Variants in CLOCK observed in about 807,000 individuals in gnomAD.
CLOCK encodes clock circadian regulator, also known as circadian locomoter output cycles protein kaput.
CLOCK carries 43 observed loss-of-function variants against 118.4 expected under a neutral mutation model. That is an observed-to-expected ratio of 0.36 (90% confidence interval 0.28 to 0.47). The LOEUF (loss-of-function observed/expected upper bound fraction) is 0.47, where lower values mean the gene tolerates loss of function less well. Among genes scored for constraint, CLOCK ranks in the 20% least tolerant of loss-of-function variants. The pLI is 1.00. For synonymous variants in CLOCK, 326 were observed against 339.2 expected (o/e 0.96, Z 0.43); for missense variants, 846 against 999.9 (o/e 0.85, Z 2.08).
At chr4:55,525,397 C>A (rs536753180) in intron 1 of CLOCK, among the ~76,000 whole-genome samples, 1 of 152,246 alleles carries the variant, frequency 6.6e-6, no homozygotes, top group East Asian at 1.9e-4. Context: ...ATCACGTGAG[C>A]CCAGGAATTG....
intron 18 of CLOCK, among the ~76,000 whole-genome samples, chr4:55,448,556 C>T (rs182692635): frequency 6.3e-4 from 95 of 151,806 alleles, no homozygotes; most frequent in African/African-American, 2.1e-3. Flanking sequence ...TTAAGATTCA[C>T]TGCATCTGTA....
At position 55,470,765 on chromosome 4, in the gene CLOCK, G is replaced by A; in HGVS notation, c.390C>T (p.Ser130=). 1 of 1,611,890 alleles carries A rather than the reference G, an allele frequency of 6.2e-7. No homozygotes were observed. The highest frequency in any genetic ancestry group is 8.5e-7 in the Non-Finnish European group (1 of 1,178,652). The change falls in exon 8 of 23, where the codon AGC becomes AGT. Residue 130 remains serine (S), a synonymous_variant. Transcript: ENST00000513440. The stretch of plus-strand genomic sequence containing the variant: ...TTACACTCTCAGACACATATATTAT[G>A]CTTCCATCTGTCATGATTGCTAAAA... The part of the protein sequence containing the change: ...GFFLAIMTDG[S]IIYVSESVTS...
chr4:55,494,156 G>A (rs1727897612), intron 2 of CLOCK, among the ~76,000 whole-genome samples: 1 of 152,094 alleles, frequency 6.6e-6, no homozygotes. Context: ...AAACCTGAAG[G>A]TGGAGGGAGA....
intron 21 of CLOCK, among the ~76,000 whole-genome samples, chr4:55,439,937 G>A (rs983180044): frequency 6.6e-6 from 1 of 152,032 alleles, no homozygotes; most frequent in Non-Finnish European, 1.5e-5. Context: ...GGTAACAATC[G>A]TACTCAGTGA....
chr4:55,472,673 A>C (rs895647790), intron 7 of CLOCK, among the ~76,000 whole-genome samples: 1 of 152,148 alleles, frequency 6.6e-6, no homozygotes, highest in Non-Finnish European at 1.5e-5. Flanking sequence ...TGGGAGTTAG[A>C]GTAACCTTTC....
intron 5 of CLOCK, 55 bp from the exon 6 acceptor site, chr4:55,479,018 G>C: frequency 7.2e-7 from 1 of 1,382,364 alleles, no homozygotes; most frequent in Non-Finnish European, 1.0e-6. Context: ...TACACAAGTA[G>C]TTTAATACAA....
At position 55,470,605 on chromosome 4, in the gene CLOCK, C is replaced by T. The variant is rs1321153736; in HGVS notation, c.438+112G>A. 3 of 724,536 alleles carry T rather than the reference C, an allele frequency of 4.1e-6. No homozygotes were observed. In the East Asian group the frequency reaches 7.7e-5, roughly 19 times the overall value. The allele number at this position is 724,536 out of a possible 1,614,324, so 44.9% of individuals were successfully genotyped here. ...AAAGACATACTTAGAGCTCTGATTC[C>T]TACCCCTTTAACGACTGTTGTACAC... On this transcript the variant is annotated intron_variant, in intron 8 of 22. Coordinates refer to ENST00000513440, the MANE Select transcript of CLOCK (RefSeq NM_004898.4).
At chr4:55,508,176 C>T (rs960958258) in intron 2 of CLOCK, among the ~76,000 whole-genome samples, 2 of 152,170 alleles carry the variant, frequency 1.3e-5, no homozygotes, top group Non-Finnish European at 2.9e-5. Flanking sequence ...ACTTTCATCT[C>T]CAATGAACTA....
intron 9 of CLOCK, 44 bp downstream of exon 9, chr4:55,463,641 C>G: frequency 6.2e-7 from 1 of 1,605,858 alleles, no homozygotes. Flanking sequence ...GATAGTGCTA[C>G]TGAATACAAC....
intron 18 of CLOCK, among the ~76,000 whole-genome samples, chr4:55,445,912 T>C (rs749650629): frequency 2.6e-5 from 4 of 152,012 alleles, no homozygotes; most frequent in Admixed American, 6.6e-5. Context: ...CTATATTCTT[T>C]AGGTTCTCTT....
Position 55,440,033 on chromosome 4 carries a change from TA to T in CLOCK, c.2106-1497del, listed in dbSNP as rs914564363. 7.9e-5 allele frequency among the ~76,000 whole-genome samples: 12 copies of T among 151,230 alleles called. No individual in the cohort carries two copies. In the South Asian group the frequency reaches 1.0e-3, roughly 13 times the overall value. Reference sequence around the variant, plus strand: ...CACAATAAAAATTTTTTTTAATCTATAAAAAAAAACCTTTTTCTTTTTATAA... The same window carrying T: ...CACAATAAAAATTTTTTTTAATCTATAAAAAAAACCTTTTTCTTTTTATAA... On this transcript the variant is annotated intron_variant, in intron 21 of 22. Transcript: ENST00000513440.
At chr4:55,528,367 A>T (rs1054442878) in intron 1 of CLOCK, among the ~76,000 whole-genome samples, 2 of 151,856 alleles carry the variant, frequency 1.3e-5, no homozygotes, top group African/African-American at 4.8e-5. Context: ...AAATTAATTA[A>T]TTAAATATAT....
chr4:55,475,679 AG>A (rs1361577825), intron 7 of CLOCK, among the ~76,000 whole-genome samples: 1 of 152,204 alleles, frequency 6.6e-6, no homozygotes. Flanking sequence ...ACCAGCAAAA[AG>A]ATTAAGACTT....
rs767019477 is a variant in CLOCK at position 55,478,966 on chromosome 4, G to A, written c.108-3C>T. 6.3e-7 allele frequency: 1 copy of A among 1,580,690 alleles called. No homozygotes were observed. The highest frequency in any genetic ancestry group is 2.3e-5 in the East Asian group (1 of 44,332). On this transcript the variant is annotated splice_region_variant and splice_polypyrimidine_tract_variant and intron_variant, in intron 5 of 22. Coordinates refer to ENST00000513440, the MANE Select transcript of CLOCK (RefSeq NM_004898.4). ...TTTCAGATTTGTTTCTAGATACTCT[G>A]ATGAAATGAAAAATATGCATTTTTT... is the stretch of plus-strand genomic sequence containing the variant.
chr4:55,492,853 AT>A (rs1246152190), intron 2 of CLOCK, among the ~76,000 whole-genome samples: 13 of 152,190 alleles, frequency 8.5e-5, no homozygotes, highest in African/African-American at 3.1e-4. Flanking sequence ...TCTAAAAAAA[AT>A]AAAATAAAAT....
In CLOCK at chr4:55,518,701, G is replaced by A. The variant is rs1326799276; in HGVS notation, c.-289-8636C>T. Reference sequence around the variant, plus strand: ...CCATCATGTGAGGACACAGCAACAAGGCACCAGAATGGGCCTTCACCAGAT... The same window carrying A: ...CCATCATGTGAGGACACAGCAACAAAGCACCAGAATGGGCCTTCACCAGAT... On this transcript the variant is annotated intron_variant, in intron 1 of 22. Coordinates refer to ENST00000513440, the MANE Select transcript of CLOCK (RefSeq NM_004898.4). 2.0e-5 allele frequency among the ~76,000 whole-genome samples: 3 copies of A among 152,166 alleles called. No individual in the cohort carries two copies. In the East Asian group the frequency reaches 5.8e-4, roughly 29 times the overall value.
intron 2 of CLOCK, among the ~76,000 whole-genome samples, chr4:55,494,877 T>C (rs1727955431): frequency 6.6e-6 from 1 of 152,156 alleles, no homozygotes; most frequent in Non-Finnish European, 1.5e-5. Flanking sequence ...ACACCTTGGG[T>C]TCAGGTCAGT....
intron 1 of CLOCK, chr4:55,540,623 G>C (rs1351396084): frequency 1.3e-5 from 2 of 152,184 alleles, no homozygotes; most frequent in African/African-American, 4.8e-5. Context: ...TCTAGCAGGG[G>C]AGCGCAGCTG....
At chr4:55,522,171 A>G (rs899834594) in intron 1 of CLOCK, among the ~76,000 whole-genome samples, 68 of 152,318 alleles carry the variant, frequency 4.5e-4, no homozygotes, top group Middle Eastern at 3.4e-3. Flanking sequence ...ATCAATTTTT[A>G]GAAGAAAACA....
Sources: allele counts gnomAD v4.1 joint callset (sites outside exome capture counted in the v4.1 genomes callset), GRCh38; gene constraint gnomAD v4.1.1; transcripts MANE v1.5; gene names NCBI Gene and HGNC (gene_info 2026-07-23, HGNC 2026-07-21).